Variants in ZNF732 observed in about 807,000 individuals in gnomAD.
ZNF732 encodes the protein zinc finger protein LOC654254.
A neutral mutation model predicts 11.5 loss-of-function variants in ZNF732; 12 were observed. The ratio of observed to expected loss-of-function variants is 1.05; its 90% CI spans 0.67 to 1.70. The LOEUF (loss-of-function observed/expected upper bound fraction) is 1.70, where lower values mean the gene tolerates loss of function less well. Ranked by LOEUF, ZNF732 falls within the 40% of genes most tolerant of loss-of-function variation. The pLI, the probability that ZNF732 is intolerant of heterozygous loss-of-function variation, is 0.00. For synonymous variants in ZNF732, 231 were observed against 236.5 expected, an observed-to-expected ratio of 0.98 and a Z score of 0.21; for missense variants, 702 against 676.9, an observed-to-expected ratio of 1.04 and a Z score of -0.41.
At chr4:284,094 G>C (rs1364724037) in intron 3 of ZNF732, among the ~76,000 whole-genome samples, 1 of 151,990 alleles carries the variant, frequency 6.6e-6, no homozygotes, top group Non-Finnish European at 1.5e-5. Context: ...TGTATTTTTA[G>C]TAGAGACAAG....
intron 3 of ZNF732, among the ~76,000 whole-genome samples, chr4:274,042 A>G (rs1553838321): frequency 6.6e-6 from 1 of 151,848 alleles, no homozygotes. Flanking sequence ...AACATAATGT[A>G]AGAAAGCCAA....
chr4:277,353 T>C (rs191080736), intron 3 of ZNF732, among the ~76,000 whole-genome samples: 21 of 152,114 alleles, frequency 1.4e-4, no homozygotes, highest in Admixed American at 2.6e-4. Flanking sequence ...GAAGACGTAA[T>C]CTACACAATG....
intron 3 of ZNF732, among the ~76,000 whole-genome samples, chr4:284,053 G>A (rs1163144824): frequency 6.6e-6 from 1 of 152,006 alleles, no homozygotes; most frequent in East Asian, 1.9e-4. Flanking sequence ...TGGGACTACA[G>A]GCACCCGCCA....
At chr4:301,483 G>A (rs1303158032) in intron 1 of ZNF732, among the ~76,000 whole-genome samples, 1 of 152,190 alleles carries the variant, frequency 6.6e-6, no homozygotes, top group Non-Finnish European at 1.5e-5. Context: ...GTCCAACAAT[G>A]ATAGACTAGA....
intron 3 of ZNF732, among the ~76,000 whole-genome samples, chr4:281,542 TCTC>T (rs1719621932): frequency 6.6e-6 from 1 of 152,176 alleles, no homozygotes; most frequent in African/African-American, 2.4e-5. Context: ...AGTTCAGTCT[TCTC>T]AGAAAATAGA....
At chr4:275,817 A>T (rs1719482622) in intron 3 of ZNF732, among the ~76,000 whole-genome samples, 1 of 151,836 alleles carries the variant, frequency 6.6e-6, no homozygotes, top group Non-Finnish European at 1.5e-5. Flanking sequence ...ACGAAGAGAC[A>T]AACTATATGA....
At chr4:274,506 A>C (rs1185478278) in intron 3 of ZNF732, among the ~76,000 whole-genome samples, 14 of 151,722 alleles carry the variant, frequency 9.2e-5, no homozygotes, top group African/African-American at 3.4e-4. Context: ...AAGATGAGTA[A>C]GTCTATTTCA....
chr4:286,234 A>C (rs954105362), intron 3 of ZNF732, among the ~76,000 whole-genome samples: 1 of 152,254 alleles, frequency 6.6e-6, no homozygotes, highest in Non-Finnish European at 1.5e-5. Flanking sequence ...AGCATCATAC[A>C]TCATTACTTT....
intron 1 of ZNF732, 113 bp downstream of exon 1, chr4:305,195 G>A (rs1720205963): frequency 3.5e-6 from 5 of 1,420,620 alleles, no homozygotes; most frequent in African/African-American, 1.4e-5. Context: ...AAGGACTGAG[G>A]GCTGAGCGGC....
At chr4:283,337 A>C (rs1283799845) in intron 3 of ZNF732, among the ~76,000 whole-genome samples, 1 of 152,224 alleles carries the variant, frequency 6.6e-6, no homozygotes, top group East Asian at 1.9e-4. Flanking sequence ...AAATGTCTGA[A>C]TAGATTTAAA....
At chr4:289,390 A>G (rs1360214612) in intron 3 of ZNF732, among the ~76,000 whole-genome samples, 1 of 152,230 alleles carries the variant, frequency 6.6e-6, no homozygotes, top group Non-Finnish European at 1.5e-5. Context: ...TGTTGCAATG[A>G]TAGCTTTTTG....
At chr4:281,184 A>G (rs1553839728) in intron 3 of ZNF732, among the ~76,000 whole-genome samples, 1 of 152,178 alleles carries the variant, frequency 6.6e-6, no homozygotes, top group Non-Finnish European at 1.5e-5. Context: ...CCTATAACCA[A>G]GCTCTGGTCT....
In ZNF732 at chr4:272,089, G is replaced by C; in HGVS notation, c.768C>G (p.Gly256=). 1 of 1,611,642 alleles carries C rather than the reference G, an allele frequency of 6.2e-7. No homozygotes were observed. The highest frequency in any genetic ancestry group is 8.5e-7 in the Non-Finnish European group (1 of 1,178,798). The part of the protein sequence containing the change: ...GEKSYKYEEC[G]KAFNRSSTLT... ...GGGTTGAGGACCTATTAAAGGCTTT[G>C]CCACATTCTTCATATTTGTAAGATT... is the stretch of plus-strand genomic sequence containing the variant. Residue 256 remains glycine, a synonymous_variant, in exon 4 of 4, where the codon GGC becomes GGG. Transcript: ENST00000419098.
At chr4:299,475 ACATATATACACATATGTGTG>A (rs1720056076) in intron 1 of ZNF732, among the ~76,000 whole-genome samples, 1 of 101,120 alleles carries the variant, frequency 9.9e-6, no homozygotes, top group South Asian at 3.2e-4. Context: ...ATATATATAC[ACATATATACACATATGTGTG>A]TATATATACA....
At chr4:273,239 C>A (rs1325239896) in intron 3 of ZNF732, among the ~76,000 whole-genome samples, 1 of 151,978 alleles carries the variant, frequency 6.6e-6, no homozygotes, top group East Asian at 1.9e-4. Flanking sequence ...ACACAAAATT[C>A]TAGACAAGAC....
chr4:302,074 G>A (rs569011576), intron 1 of ZNF732, among the ~76,000 whole-genome samples: 41 of 152,098 alleles, frequency 2.7e-4, no homozygotes, highest in African/African-American at 8.2e-4. Context: ...TTATAGAAGC[G>A]ACTGTAGATA....
chr4:303,291 A>C (rs1720155257), intron 1 of ZNF732, among the ~76,000 whole-genome samples: 1 of 152,204 alleles, frequency 6.6e-6, no homozygotes, highest in Non-Finnish European at 1.5e-5. Flanking sequence ...TCGGGCCGAG[A>C]GAACTTTGAG....
Position 299,716 on chromosome 4 carries a change from G to A in ZNF732, c.4-3561C>T, listed in dbSNP as rs188775542. Among the ~76,000 whole-genome samples, 570 of 132,358 alleles carry A rather than the reference G, an allele frequency of 4.3e-3. 1 individual carries two copies. The highest frequency in any genetic ancestry group is 0.015 in the African/African-American group (536 of 34,924). The allele number at this position is 132,358 out of a possible 152,430, so 86.8% of individuals were successfully genotyped here. On this transcript the variant is annotated intron_variant, in intron 1 of 3. Transcript: ENST00000419098. ...ATACTTTTTTTTTTTTTTTTAAAGA[G>A]ATGGAGTTTCCCTCTTGTTGCCCAG...
chr4:287,616 A>C (rs1719758809), intron 3 of ZNF732, among the ~76,000 whole-genome samples: 1 of 151,758 alleles, frequency 6.6e-6, no homozygotes, highest in Admixed American at 6.6e-5. Flanking sequence ...CCTGATGAAA[A>C]CACAAATGAT....
Sources: allele counts gnomAD v4.1 joint callset (sites outside exome capture counted in the v4.1 genomes callset), GRCh38; gene constraint gnomAD v4.1.1; transcripts MANE v1.5; gene names NCBI Gene and HGNC (gene_info 2026-07-23, HGNC 2026-07-21).